The following PIP5K1C variants were observed in gnomAD, a reference collection of about 807,000 sequenced individuals.
The protein encoded by PIP5K1C is phosphatidylinositol 4-phosphate 5-kinase type-1 gamma.
PIP5K1C carries 45 observed loss-of-function variants against 80.1 expected under a neutral mutation model. The observed-to-expected ratio is 0.56, with a 90% CI of 0.44 to 0.72. The LOEUF is 0.72. PIP5K1C is among the 30% of genes least tolerant of loss of function. The pLI is 0.00. For missense variants in PIP5K1C, 753 were observed against 954.6 expected (o/e 0.79, Z 2.78); for synonymous variants, 498 against 420.1 (o/e 1.19, Z -2.27).
chr19:3,648,525 GACCCGGGCGCCC>G lies in PIP5K1C; in HGVS notation c.1211+88_1211+99del, dbSNP rs1219077368. The G allele has an allele frequency of 6.0e-5, 27 of 446,504 alleles. No individual in the cohort carries two copies. Among genetic ancestry groups the G allele is most frequent in the Admixed American group, 8.5e-5 (3 of 35,164 alleles). 27.7% of individuals were successfully genotyped at this position (446,504 alleles called of 1,614,324 possible). ...CCAGGCGCCCACCTGTGGGGCTGCA[GACCCGGGCGCCC>G]ACCTGTGGGGCTGCAGACCCGGGCG... is the stretch of plus-strand genomic sequence containing the variant. On this transcript the variant is annotated intron_variant, in intron 9 of 17. Coordinates refer to ENST00000335312, the MANE Select transcript of PIP5K1C (RefSeq NM_012398.3). The surrounding 1 kb of genome is among the most constrained non-coding windows in gnomAD (Gnocchi z 4.3).
rs559890724 is a variant in PIP5K1C at position 3,680,829 on chromosome 19, G to A, written c.95-13476C>T. Among the ~76,000 whole-genome samples the A allele has an allele frequency of 2.2e-3, 342 of 152,302 alleles. 2 individuals are homozygous for A. The highest frequency in any genetic ancestry group is 7.7e-3 in the African/African-American group (321 of 41,566). ...GGCCCTGGGGGTGGAGGGAGTGACCGAAATGGAGGTCTCACCAGGGGAGAC... is the reference window on the plus strand; with the variant it reads ...GGCCCTGGGGGTGGAGGGAGTGACCAAAATGGAGGTCTCACCAGGGGAGAC... On this transcript the variant is annotated intron_variant, in intron 1 of 17. Transcript: ENST00000335312.
At chr19:3,673,161 C>A (rs147650886) in intron 1 of PIP5K1C, among the ~76,000 whole-genome samples, 3 of 152,152 alleles carry the variant, frequency 2.0e-5, no homozygotes, top group Admixed American at 6.5e-5. Flanking sequence ...TCCAGCCACA[C>A]GGGCCCTCGC....
At chr19:3,699,747 G>C (rs7246373) in intron 1 of PIP5K1C, among the ~76,000 whole-genome samples, 29,202 of 152,118 alleles carry the variant, frequency 0.19, 3,326 homozygotes, top group East Asian at 0.43. Context: ...GTGTGTCCTG[G>C]GGGAAGGCTC....
At chr19:3,666,265 G>C (rs1228361777) in intron 2 of PIP5K1C, among the ~76,000 whole-genome samples, 1 of 152,246 alleles carries the variant, frequency 6.6e-6, no homozygotes, top group East Asian at 1.9e-4. Context: ...CCTGAGGACT[G>C]CATGCGGGAA....
Position 3,660,306 on chromosome 19 carries a change from G to C in PIP5K1C, c.468+660C>G, listed in dbSNP as rs1300605003. 9.9e-5 allele frequency among the ~76,000 whole-genome samples: 15 copies of C among 152,138 alleles called. No homozygotes were observed. The East Asian group carries it at 2.5e-3, about 26-fold the overall frequency. On this transcript the variant is annotated intron_variant, in intron 5 of 17. Coordinates refer to ENST00000335312, the MANE Select transcript of PIP5K1C (RefSeq NM_012398.3). Reference sequence around the variant, plus strand: ...GAGGCAGGAGAATGGCGTGAACCCAGGAGGCGGAGCTTACAGTGAGCCGAG... The same window carrying C: ...GAGGCAGGAGAATGGCGTGAACCCACGAGGCGGAGCTTACAGTGAGCCGAG...
intron 10 of PIP5K1C, among the ~76,000 whole-genome samples, chr19:3,646,567 G>A (rs2034222269): frequency 6.6e-6 from 1 of 152,216 alleles, no homozygotes; most frequent in Non-Finnish European, 1.5e-5. Context: ...CAACCCCAGG[G>A]ACATGCGGCG....
intron 15 of PIP5K1C, among the ~76,000 whole-genome samples, chr19:3,640,568 C>T (rs1260540222): frequency 6.6e-6 from 1 of 152,146 alleles, no homozygotes; most frequent in Non-Finnish European, 1.5e-5. Flanking sequence ...AGGGCCAGAA[C>T]TATTGTGTCC....
At chr19:3,685,725 G>A (rs373584805) in intron 1 of PIP5K1C, among the ~76,000 whole-genome samples, 3 of 148,666 alleles carry the variant, frequency 2.0e-5, no homozygotes, top group Non-Finnish European at 4.5e-5. Flanking sequence ...GCGAGACTCC[G>A]TCTCAAAAAA....
chr19:3,700,342 C>T lies in PIP5K1C; in HGVS notation c.49G>A (p.Val17Met), dbSNP rs1202056738. ...DEAESAEAGA[V>M]PSEAAWAAES... ...GCCGCCCACGCCGCCTCCGAGGGCA[C>T]GGCCCCCGCCTCAGCGCTCTCCGCC... The change falls in exon 1 of 18, where the codon GTG (valine) becomes ATG (methionine). Residue 17 changes from valine (V) to methionine (M), a missense_variant. Around this residue, in one of 6 missense-constraint regions of PIP5K1C, gnomAD observed 78 missense variants for 67.1 expected, o/e 1.16. Transcript: ENST00000335312. 1.2e-5 allele frequency: 15 copies of T among 1,288,848 alleles called. No individual in the cohort carries two copies. The highest frequency in any genetic ancestry group is 4.7e-5 in the East Asian group (1 of 21,332). 79.8% of individuals were successfully genotyped at this position (1,288,848 alleles called of 1,614,324 possible).
intron 2 of PIP5K1C, among the ~76,000 whole-genome samples, chr19:3,666,554 C>T (rs142458973): frequency 7.9e-5 from 12 of 152,298 alleles, no homozygotes; most frequent in African/African-American, 2.2e-4. Flanking sequence ...AACAGGCACA[C>T]AGGCAAACAC....
intron 6 of PIP5K1C, 106 bp downstream of exon 6, chr19:3,656,299 G>A (rs945405468): frequency 2.4e-5 from 31 of 1,300,438 alleles, no homozygotes; most frequent in South Asian, 4.9e-5. Context: ...CTCTCACCAC[G>A]CCCCAAGGAT....
At chr19:3,671,294 G>A (rs1042735813) in intron 1 of PIP5K1C, among the ~76,000 whole-genome samples, 5 of 152,204 alleles carry the variant, frequency 3.3e-5, no homozygotes, top group East Asian at 1.9e-4. Context: ...ACCCCTGCCC[G>A]GACTCTCCCA....
At chr19:3,635,421 C>T (rs534796106) in intron 16 of PIP5K1C, among the ~76,000 whole-genome samples, 44 of 152,274 alleles carry the variant, frequency 2.9e-4, no homozygotes, top group African/African-American at 9.4e-4. Flanking sequence ...TGGTGGCTCA[C>T]GCCTGTAATC....
rs149307237 is a variant in PIP5K1C, at chr19:3,662,157, G to C, written c.220-156C>G. 4.6e-5 allele frequency among the ~76,000 whole-genome samples: 7 copies of C among 152,170 alleles called. No homozygotes were observed. In the East Asian group the frequency reaches 1.2e-3, roughly 25 times the overall value. On this transcript the variant is annotated intron_variant, in intron 3 of 17. Transcript: ENST00000335312. ...TGGTCCCCGGGGCTGCCTGTCCTGC[G>C]GCTGCTGAGCTGTCGACATCAGGCC...
chr19:3,633,354 C>G, intron 17 of PIP5K1C, 83 bp downstream of exon 17: 1 of 1,139,714 alleles, frequency 8.8e-7, no homozygotes, highest in Non-Finnish European at 1.2e-6. Context: ...GCCTCAGTCC[C>G]TGCCTATCCC....
intron 8 of PIP5K1C, 128 bp downstream of exon 8, chr19:3,651,696 ACT>A (rs1024129821): frequency 1.2e-5 from 11 of 929,014 alleles, no homozygotes; most frequent in African/African-American, 9.7e-5. Flanking sequence ...AGGCTCCCAG[ACT>A]CTGTCTGTCA....
rs2033461666 is a variant in PIP5K1C, at chr19:3,631,285, T to C, written c.*1882A>G. Reference sequence around the variant, plus strand: ...CGAGGACTCCCTGGGAGGACTGGTGTGGCCTCTGGGGGTTGGGCCTTTGAG... The same window carrying C: ...CGAGGACTCCCTGGGAGGACTGGTGCGGCCTCTGGGGGTTGGGCCTTTGAG... On this transcript the variant is annotated 3_prime_UTR_variant, in exon 18 of 18. Coordinates refer to ENST00000335312, the MANE Select transcript of PIP5K1C (RefSeq NM_012398.3). 6.6e-6 allele frequency: 1 copy of C among 152,312 alleles called. No homozygotes were observed. The highest frequency in any genetic ancestry group is 2.4e-5 in the African/African-American group (1 of 41,458). The allele number at this position is 152,312 out of a possible 1,614,324, so 9.4% of individuals were successfully genotyped here.
At chr19:3,636,946 CCTT>C (rs1159663808) in intron 16 of PIP5K1C, 1 of 1,013,146 alleles carries the variant, frequency 9.9e-7, no homozygotes, top group Admixed American at 5.1e-5. Flanking sequence ...AGGGGGACCT[CCTT>C]GAGAGCTTGG....
At chr19:3,640,127 A>G (rs1192188952) in intron 15 of PIP5K1C, among the ~76,000 whole-genome samples, 2 of 152,218 alleles carry the variant, frequency 1.3e-5, no homozygotes, top group African/African-American at 4.8e-5. Context: ...CAAAAATACA[A>G]AAGCATCTCA....
Sources: gnomAD v4.1 joint callset for allele counts (sites outside exome capture counted in the v4.1 genomes callset) on GRCh38, gnomAD v4.1.1 for gene constraint, gnomAD v4.1.1 regional missense constraint, Gnocchi (gnomAD v3.1) non-coding constraint, MANE v1.5 for transcripts, NCBI Gene and HGNC (gene_info 2026-07-23, HGNC 2026-07-21) for gene names.